Variants in KSR2 observed in about 807,000 individuals in gnomAD.
KSR2 encodes kinase suppressor of ras 2.
A neutral mutation model predicts 107.8 loss-of-function variants in KSR2; 25 were observed. The ratio of observed to expected loss-of-function variants is 0.23; its 90% CI spans 0.17 to 0.32. The LOEUF is 0.32. KSR2 is among the 10% of genes least tolerant of loss of function. The pLI is 1.00. For synonymous variants in KSR2, 480 were observed against 507.0 expected (o/e 0.95, Z 0.71); for missense variants, 887 against 1,268.9 (o/e 0.70, Z 4.57).
intron 1 of KSR2, among the ~76,000 whole-genome samples, chr12:117,934,874 G>T (rs931454678): frequency 1.3e-5 from 2 of 151,922 alleles, no homozygotes; most frequent in African/African-American, 4.8e-5. Context: ...CACCCAGGCT[G>T]GAGTGCAGTG....
chr12:117,667,444 T>C lies in KSR2; in HGVS notation c.1171+30A>G, dbSNP rs189671458. 2.4e-5 allele frequency: 38 copies of C among 1,595,930 alleles called. No homozygotes were observed. In the East Asian group the frequency reaches 7.9e-4, roughly 33 times the overall value. ...GGAGAAGGAGGTGGCATGGCAAGCG[T>C]TCCCAGTGCAGCCCGGCAGGGTGAC... On this transcript the variant is annotated intron_variant, in intron 5 of 19. Transcript: ENST00000339824.
At chr12:117,936,472 G>A (rs1163686974) in intron 1 of KSR2, among the ~76,000 whole-genome samples, 1 of 152,032 alleles carries the variant, frequency 6.6e-6, no homozygotes, top group Non-Finnish European at 1.5e-5. Flanking sequence ...GACTACAGGT[G>A]CACACCACCA....
intron 16 of KSR2, among the ~76,000 whole-genome samples, chr12:117,482,328 C>A (rs145615165): frequency 0.011 from 1,706 of 152,238 alleles, 11 homozygotes; most frequent in Non-Finnish European, 0.019. Flanking sequence ...CAGGACAAAC[C>A]GAGCACAAGA....
chr12:117,502,850 C>T (rs1373350312), intron 14 of KSR2, among the ~76,000 whole-genome samples: 1 of 152,168 alleles, frequency 6.6e-6, no homozygotes, highest in Non-Finnish European at 1.5e-5. Flanking sequence ...GTTTCAACAA[C>T]CCATGCCTCT....
At chr12:117,943,947 C>CGTGCCTTTCACCTTTTGCCATGATT (rs1347144676) in intron 1 of KSR2, among the ~76,000 whole-genome samples, 1 of 152,188 alleles carries the variant, frequency 6.6e-6, no homozygotes, top group Non-Finnish European at 1.5e-5. Flanking sequence ...CATGTTAAGA[C>CGTGCCTTTCACCTTTTGCCATGATT]GTGCCTTTCA....
Position 117,495,923 on chromosome 12 carries a change from G to A in KSR2, c.2220-10232C>T, listed in dbSNP as rs144614220. Among the ~76,000 whole-genome samples the A allele has an allele frequency of 3.2e-4, 49 of 152,042 alleles. No homozygotes were observed. In the East Asian group the frequency reaches 8.1e-3, roughly 25 times the overall value. On this transcript the variant is annotated intron_variant, in intron 14 of 19. Coordinates refer to ENST00000339824, the MANE Select transcript of KSR2 (RefSeq NM_173598.6). ...ACAAAAATTAGCCAGGCGTGGTTGT[G>A]TGCGCCTGTAGTCCCAGCTACTCAG...
intron 1 of KSR2, among the ~76,000 whole-genome samples, chr12:117,902,926 T>C (rs1337392429): frequency 1.3e-5 from 2 of 152,202 alleles, no homozygotes; most frequent in African/African-American, 4.8e-5. Context: ...CTGTGTGACC[T>C]TGGGCAAGTT....
intron 14 of KSR2, among the ~76,000 whole-genome samples, chr12:117,487,609 T>A (rs1427658230): frequency 6.6e-6 from 1 of 152,140 alleles, no homozygotes; most frequent in Non-Finnish European, 1.5e-5. Context: ...GGGTACTTAG[T>A]TCCTGAACAG....
At chr12:117,785,302 C>T (rs975742080) in intron 3 of KSR2, among the ~76,000 whole-genome samples, 1 of 148,472 alleles carries the variant, frequency 6.7e-6, no homozygotes, top group Non-Finnish European at 1.5e-5. Context: ...GTAGTCCCAG[C>T]TACTTGGGAG....
At chr12:117,661,834 C>T (rs1884443729) in intron 5 of KSR2, among the ~76,000 whole-genome samples, 1 of 152,308 alleles carries the variant, frequency 6.6e-6, no homozygotes, top group East Asian at 1.9e-4. Context: ...ACCAAAATAA[C>T]TAGGCAGAAG....
intron 19 of KSR2, among the ~76,000 whole-genome samples, chr12:117,469,449 A>G (rs967926238): frequency 6.6e-6 from 1 of 152,184 alleles, no homozygotes; most frequent in Non-Finnish European, 1.5e-5. Context: ...GGGTAGCTGC[A>G]GGACCCAAGA....
chr12:117,532,946 G>A (rs1367322923), intron 10 of KSR2, among the ~76,000 whole-genome samples: 1 of 152,176 alleles, frequency 6.6e-6, no homozygotes, highest in African/African-American at 2.4e-5. Context: ...TAGCACAGTA[G>A]CTCAGAGCCT....
At chr12:117,926,069 C>G (rs1895508153) in intron 1 of KSR2, among the ~76,000 whole-genome samples, 1 of 152,068 alleles carries the variant, frequency 6.6e-6, no homozygotes, top group Non-Finnish European at 1.5e-5. Context: ...TGGTGGTGCA[C>G]CCCTGTAATC....
Position 117,454,537 on chromosome 12 carries a change from T to C in KSR2, c.*12662A>G, listed in dbSNP as rs1431970176. Reference sequence around the variant, plus strand: ...GGACTGATACATTCTTTCCCACACTTCAGGCTGTATTGCAGGCTTGGCCTG... The same window carrying C: ...GGACTGATACATTCTTTCCCACACTCCAGGCTGTATTGCAGGCTTGGCCTG... On this transcript the variant is annotated 3_prime_UTR_variant, in exon 20 of 20. Transcript: ENST00000339824. 6.6e-6 allele frequency: 1 copy of C among 152,230 alleles called. No individual in the cohort carries two copies. The highest frequency in any genetic ancestry group is 2.4e-5 in the African/African-American group (1 of 41,460). 9.4% of individuals were successfully genotyped at this position (152,230 alleles called of 1,614,324 possible). A position where few individuals can be genotyped will look rare whatever the true frequency, so the allele number is the denominator to read the frequency against.
At chr12:117,756,173 G>C (rs1361101650) in intron 4 of KSR2, among the ~76,000 whole-genome samples, 1 of 152,208 alleles carries the variant, frequency 6.6e-6, no homozygotes, top group African/African-American at 2.4e-5. Flanking sequence ...GATCACTGAT[G>C]AAAGTGGTTA....
At chr12:117,520,695 T>G in intron 14 of KSR2, among the ~76,000 whole-genome samples, 1 of 152,200 alleles carries the variant, frequency 6.6e-6, no homozygotes, top group Non-Finnish European at 1.5e-5. Context: ...TTTTGAGGCT[T>G]CCTCATTCTT....
chr12:117,961,872 G>A (rs373668631), intron 1 of KSR2, among the ~76,000 whole-genome samples: 12 of 152,256 alleles, frequency 7.9e-5, no homozygotes, highest in East Asian at 1.9e-4. Flanking sequence ...GAGGCCAGGC[G>A]TGGTGATTAC....
rs372317080 is a variant in KSR2, at chr12:117,761,178, C to A, written c.819G>T (p.Pro273=). 2 of 1,597,934 alleles carry A rather than the reference C, an allele frequency of 1.3e-6. No individual in the cohort carries two copies. Among genetic ancestry groups the A allele is most frequent in the Non-Finnish European group, 1.7e-6 (2 of 1,170,926 alleles). The change falls in exon 4 of 20, where the codon CCG becomes CCT. Residue 273 remains proline, a synonymous_variant. Coordinates refer to ENST00000339824, the MANE Select transcript of KSR2 (RefSeq NM_173598.6). ...TCTTCCTCATGGGCGGCGTGCCCGG[C>A]GGGGTCACGGTGGTGACGATGTTGG... ...RTPNIVTTVT[P]PGTPPMRKKN... is the part of the protein sequence containing the mutation.
At chr12:117,740,437 A>AT (rs1565989931) in intron 4 of KSR2, among the ~76,000 whole-genome samples, 8,163 of 108,768 alleles carry the variant, frequency 0.075, 344 homozygotes, top group Admixed American at 0.13. Context: ...TATATATTAC[A>AT]TTAATATATG....
Sources: allele counts gnomAD v4.1 joint callset (sites outside exome capture counted in the v4.1 genomes callset), GRCh38; gene constraint gnomAD v4.1.1; transcripts MANE v1.5; gene names NCBI Gene and HGNC (gene_info 2026-07-23, HGNC 2026-07-21).